SPACA7: variants seen among roughly 807,000 people sequenced by gnomAD.
SPACA7 encodes sperm acrosome-associated protein 7.
SPACA7 carries 19 observed loss-of-function variants against 26.3 expected under a neutral mutation model. The ratio of observed to expected loss-of-function variants is 0.72; its 90% CI spans 0.50 to 1.06. The LOEUF (loss-of-function observed/expected upper bound fraction) is 1.06. Among genes scored for constraint, SPACA7 ranks in the 50% least tolerant of loss-of-function variants. The pLI, the probability that SPACA7 is intolerant of heterozygous loss-of-function variation, is 0.00. For missense variants in SPACA7, 211 were observed against 229.9 expected (o/e 0.92, Z 0.53); for synonymous variants, 84 against 84.5 (o/e 0.99, Z 0.04).
chr13:112,396,980 G>C (rs1885310347), intron 2 of SPACA7, among the ~76,000 whole-genome samples: 1 of 152,186 alleles, frequency 6.6e-6, no homozygotes, highest in Non-Finnish European at 1.5e-5. Context: ...AGAGCTGGTA[G>C]ACTCCTCCTA....
intron 5 of SPACA7, among the ~76,000 whole-genome samples, chr13:112,417,245 T>G (rs1886753783): frequency 6.6e-6 from 1 of 152,150 alleles, no homozygotes; most frequent in African/African-American, 2.4e-5. Context: ...TGTTGTTTTC[T>G]TCAATTACAC....
intron 5 of SPACA7, among the ~76,000 whole-genome samples, chr13:112,423,827 T>C (rs1261059220): frequency 6.6e-6 from 1 of 152,230 alleles, no homozygotes; most frequent in African/African-American, 2.4e-5. Context: ...TTAAGATTTC[T>C]AAAACAGAAC....
intron 4 of SPACA7, among the ~76,000 whole-genome samples, 191 bp from the exon 5 acceptor site, chr13:112,400,878 T>C (rs1388549661): frequency 6.6e-6 from 1 of 152,208 alleles, no homozygotes; most frequent in Non-Finnish European, 1.5e-5. Context: ...GGAGTGAATA[T>C]GTAGTTTTAA....
At chr13:112,404,107 T>G (rs905967387) in intron 5 of SPACA7, among the ~76,000 whole-genome samples, 1 of 152,156 alleles carries the variant, frequency 6.6e-6, no homozygotes, top group African/African-American at 2.4e-5. Context: ...ATTTTTTGAT[T>G]ATGGCCACTC....
chr13:112,424,131 C>T lies in SPACA7; in HGVS notation c.446-8313C>T, dbSNP rs773709399. The stretch of plus-strand genomic sequence containing the variant: ...ATACGGGGTGAATCCGAACAAGGAC[C>T]CCCCTGGGTGAAGCGGAGCAGCCCC... On this transcript the variant is annotated intron_variant, in intron 5 of 6. Coordinates refer to ENST00000283550, the MANE Select transcript of SPACA7 (RefSeq NM_145248.5). Among the ~76,000 whole-genome samples, 3 of 152,252 alleles carry T rather than the reference C, an allele frequency of 2.0e-5. No individual in the cohort carries two copies. The South Asian group carries it at 6.2e-4, about 32-fold the overall frequency.
chr13:112,400,710 C>G (rs953073392), intron 4 of SPACA7, among the ~76,000 whole-genome samples: 2 of 152,196 alleles, frequency 1.3e-5, no homozygotes, highest in African/African-American at 4.8e-5. Context: ...GTTCTGCAGT[C>G]ATTATTTTTT....
intron 1 of SPACA7, among the ~76,000 whole-genome samples, chr13:112,387,910 C>T (rs1884630421): frequency 6.6e-6 from 1 of 152,214 alleles, no homozygotes; most frequent in Non-Finnish European, 1.5e-5. Context: ...CCTGGCAAAG[C>T]TCAAACATTT....
chr13:112,398,870 A>G (rs542076291), intron 3 of SPACA7, among the ~76,000 whole-genome samples, 196 bp from the exon 4 acceptor site: 1 of 152,242 alleles, frequency 6.6e-6, no homozygotes, highest in East Asian at 1.9e-4. Context: ...CAAGGTCCAC[A>G]CTGTTGGTTC....
intron 5 of SPACA7, among the ~76,000 whole-genome samples, chr13:112,404,984 T>C (rs779431945): frequency 0.032 from 4,672 of 144,776 alleles, 82 homozygotes; most frequent in Middle Eastern, 0.068. Context: ...TCTTCTTTTT[T>C]TTTTTTTTTT....
At chr13:112,378,702 G>A (rs545536046) in intron 1 of SPACA7, 1 of 471,210 alleles carries the variant, frequency 2.1e-6, no homozygotes, top group East Asian at 6.9e-5. Context: ...ACTCACCTGT[G>A]GGATGGGGAC....
intron 5 of SPACA7, among the ~76,000 whole-genome samples, chr13:112,422,520 C>G (rs2139050177): frequency 6.6e-6 from 1 of 152,286 alleles, no homozygotes; most frequent in South Asian, 2.1e-4. Context: ...GAACATTCAC[C>G]AACATCCACC....
At chr13:112,434,399 T>G in intron 6 of SPACA7, 86 bp from the exon 7 acceptor site, 1 of 1,144,622 alleles carries the variant, frequency 8.7e-7, no homozygotes, top group Middle Eastern at 2.0e-4. Flanking sequence ...GTTCCTCCTG[T>G]CCCCTGGTGT....
In SPACA7 at chr13:112,432,426, T is replaced by A; in HGVS notation, c.446-18T>A. The A allele has an allele frequency of 6.3e-7, 1 of 1,574,864 alleles. No individual in the cohort carries two copies. The highest frequency in any genetic ancestry group is 8.7e-7 in the Non-Finnish European group (1 of 1,144,340). ...TATTTACAAAGAGTGATCATTGTAC[T>A]TATTGTTTTCCCCACAGAAAAGAAT... On this transcript the variant is annotated intron_variant, in intron 5 of 6. Coordinates refer to ENST00000283550, the MANE Select transcript of SPACA7 (RefSeq NM_145248.5).
At chr13:112,423,959 G>A (rs1876263463) in intron 5 of SPACA7, among the ~76,000 whole-genome samples, 1 of 152,202 alleles carries the variant, frequency 6.6e-6, no homozygotes, top group African/African-American at 2.4e-5. Flanking sequence ...CCCAGCTGAA[G>A]TATCTGCCAG....
In SPACA7 at chr13:112,398,050, T is replaced by A; in HGVS notation, c.153T>A (p.Asp51Glu). ...SKQEDMSELL[D>E]EILVQEILDL... is the part of the protein sequence containing the mutation. ...GTGATCTTGTGTGCTTCTCCCAAGA[T>A]GAAATTCTGGTCCAGGAGATTTTAG... The change falls in exon 3 of 7, where the codon GAT becomes GAA. Residue 51 changes from aspartate to glutamate, a missense_variant and splice_region_variant. Asp to Glu is a conservative substitution (Grantham distance 45, BLOSUM62 2). Coordinates refer to ENST00000283550, the MANE Select transcript of SPACA7 (RefSeq NM_145248.5). The A allele has an allele frequency of 1.2e-6, 2 of 1,611,452 alleles. No individual in the cohort carries two copies. The highest frequency in any genetic ancestry group is 1.7e-6 in the Non-Finnish European group (2 of 1,177,736).
In SPACA7 at chr13:112,378,067, G is replaced by T. The variant is rs554848699; in HGVS notation, c.94+1588G>T. 2.6e-4 allele frequency among the ~76,000 whole-genome samples: 39 copies of T among 152,216 alleles called. 1 individual carries two copies. The highest frequency in any genetic ancestry group is 6.8e-3 in the Middle Eastern group (2 of 294). On this transcript the variant is annotated intron_variant, in intron 1 of 6. Coordinates refer to ENST00000283550, the MANE Select transcript of SPACA7 (RefSeq NM_145248.5). Reference sequence around the variant, plus strand: ...AGAGCCACAGTCATGGTTATGCTGGGGGCAGAGCGTGGATGTGTCCAGCTT... The same window carrying T: ...AGAGCCACAGTCATGGTTATGCTGGTGGCAGAGCGTGGATGTGTCCAGCTT...
At chr13:112,400,503 G>A (rs1885569308) in intron 4 of SPACA7, among the ~76,000 whole-genome samples, 1 of 152,102 alleles carries the variant, frequency 6.6e-6, no homozygotes, top group African/African-American at 2.4e-5. Context: ...GGGCTACTAG[G>A]GATTACTATA....
At chr13:112,394,885 TG>T (rs1885135873) in intron 2 of SPACA7, among the ~76,000 whole-genome samples, 1 of 152,164 alleles carries the variant, frequency 6.6e-6, no homozygotes, top group African/African-American at 2.4e-5. Flanking sequence ...TCCTGGGTCC[TG>T]ACCAACTAAA....
At chr13:112,422,344 C>A (rs1223991861) in intron 5 of SPACA7, among the ~76,000 whole-genome samples, 3 of 152,116 alleles carry the variant, frequency 2.0e-5, no homozygotes, top group Admixed American at 2.0e-4. Context: ...TCTATAGTTA[C>A]ATTTGGAAAC....
Sources: allele counts gnomAD v4.1 joint callset (sites outside exome capture counted in the v4.1 genomes callset), GRCh38; gene constraint gnomAD v4.1.1; transcripts MANE v1.5; gene names NCBI Gene and HGNC (gene_info 2026-07-23, HGNC 2026-07-21).